PLXNA4: variants seen among roughly 807,000 people sequenced by gnomAD.
PLXNA4 encodes the protein plexin A4.
In PLXNA4, 44 loss-of-function variants were observed where a neutral mutation model predicts 191.8. That is an observed-to-expected ratio of 0.23 (90% confidence interval 0.18 to 0.29). PLXNA4 has a LOEUF of 0.29. PLXNA4 is among the 10% of genes least tolerant of loss of function. PLXNA4 has a pLI of 1.00. For synonymous variants in PLXNA4, 1,082 were observed against 1,009.5 expected (o/e 1.07, Z -1.36); for missense variants, 1,800 against 2,488.8 (o/e 0.72, Z 5.89).
chr7:132,554,397 C>T lies in PLXNA4; in HGVS notation c.-87+22025G>A, dbSNP rs75710723. 2.3e-3 allele frequency among the ~76,000 whole-genome samples: 351 copies of T among 152,284 alleles called. 2 individuals carry two copies. Among genetic ancestry groups the T allele is most frequent in the African/African-American group, 8.1e-3 (337 of 41,558 alleles). On this transcript the variant is annotated intron_variant, in intron 1 of 31. Transcript: ENST00000321063. ...CCGGACTCTCTGCTCACAGATGTCC[C>T]ATCACCTTCAAAATACACTGACACA... is the stretch of plus-strand genomic sequence containing the variant.
upstream of PLXNA4, among the ~76,000 whole-genome samples, chr7:132,580,662 G>A (rs1316585245): frequency 6.6e-6 from 1 of 152,174 alleles, no homozygotes; most frequent in African/African-American, 2.4e-5. Flanking sequence ...AAGAGGAGAA[G>A]AAACTCTTAA....
chr7:132,258,250 G>A (rs919686506), intron 4 of PLXNA4, among the ~76,000 whole-genome samples: 3 of 152,256 alleles, frequency 2.0e-5, no homozygotes, highest in African/African-American at 7.2e-5. Flanking sequence ...CTGTGTCGAC[G>A]AAAGGCGGCC....
chr7:132,485,053 G>GAA, intron 3 of PLXNA4: 1 of 1,591,148 alleles, frequency 6.3e-7, no homozygotes, highest in Admixed American at 1.8e-5. Context: ...ACAGGCTTGA[G>GAA]AAAAAAAAAT....
At chr7:132,230,998 A>G (rs974510263) in intron 5 of PLXNA4, among the ~76,000 whole-genome samples, 5 of 152,132 alleles carry the variant, frequency 3.3e-5, no homozygotes, top group Non-Finnish European at 7.4e-5. Context: ...GACAAATTCT[A>G]CCTGCATTGC....
In PLXNA4 at chr7:132,576,451, G is replaced by T. The variant is rs1394646330; in HGVS notation, c.-116C>A. 1 of 985,768 alleles carries T rather than the reference G, an allele frequency of 1.0e-6. No individual in the cohort carries two copies. Among genetic ancestry groups the T allele is most frequent in the Non-Finnish European group, 1.2e-6 (1 of 829,970 alleles). The allele number at this position is 985,768 out of a possible 1,614,324, so 61.1% of individuals were successfully genotyped here. ...ACGCGCCGCGTTTCCCTCCTTCAGC[G>T]GGAGCGCCGCATTGACACTGCAGAT... is the stretch of plus-strand genomic sequence containing the variant. On this transcript the variant is annotated 5_prime_UTR_variant, in exon 1 of 32. Transcript: ENST00000321063. This position sits in a 1 kb window ranked among gnomAD's most constrained non-coding sequence, Gnocchi z 5.8.
chr7:132,169,991 G>T (rs1325524242), intron 21 of PLXNA4, among the ~76,000 whole-genome samples: 1 of 152,018 alleles, frequency 6.6e-6, no homozygotes, highest in African/African-American at 2.4e-5. Flanking sequence ...GGTAACTTCG[G>T]AGTCACGTCT....
In PLXNA4 at chr7:132,226,150, G is replaced by C; in HGVS notation, c.1982+11C>G. On this transcript the variant is annotated intron_variant, in intron 8 of 31. Transcript: ENST00000321063. ...CAGGAACGGGAAGTGGGTAAGGCTG[G>C]GGCCACTTACGAATTGTGGACGCTG... is the stretch of plus-strand genomic sequence containing the variant. 5 of 1,610,622 alleles carry C rather than the reference G, an allele frequency of 3.1e-6. No individual in the cohort carries two copies. The highest frequency in any genetic ancestry group is 4.2e-6 in the Non-Finnish European group (5 of 1,177,034).
chr7:132,569,668 G>A (rs1801886252), intron 1 of PLXNA4, among the ~76,000 whole-genome samples: 1 of 152,188 alleles, frequency 6.6e-6, no homozygotes, highest in Non-Finnish European at 1.5e-5. Context: ...TGTATCCAAA[G>A]CCTAGCTTTT....
Position 132,594,961 on chromosome 7 carries a change from AGATAATTG to A in PLXNA4, c.-87+50959_-87+50966del, listed in dbSNP as rs2116831817. Among the ~76,000 whole-genome samples, 90 of 144,414 alleles carry A rather than the reference AGATAATTG, an allele frequency of 6.2e-4. 1 individual carries two copies. Among genetic ancestry groups the A allele is most frequent in the African/African-American group, 1.8e-3 (71 of 38,762 alleles). The allele number at this position is 144,414 out of a possible 152,430, so 94.7% of individuals were successfully genotyped here. A position where few individuals can be genotyped will look rare whatever the true frequency, so the allele number is the denominator to read the frequency against. On this transcript the variant is annotated intron_variant, in intron 2 of 4. Transcript: ENST00000378539. ...TAGATAGATAGATAGATAGATAGAT[AGATAATTG>A]ATAGATAATAGATAGATAGATAGAT...
intron 4 of PLXNA4, among the ~76,000 whole-genome samples, chr7:132,277,887 C>T (rs1800337280): frequency 6.6e-6 from 1 of 152,188 alleles, no homozygotes; most frequent in Admixed American, 6.5e-5. Flanking sequence ...CCGTAGACCA[C>T]ACATGTAAAT....
intron 4 of PLXNA4, among the ~76,000 whole-genome samples, chr7:132,259,482 G>GAAAAA (rs1414792493): frequency 3.6e-5 from 4 of 111,314 alleles, no homozygotes; most frequent in Non-Finnish European, 5.3e-5. Flanking sequence ...AAGAAAAAAG[G>GAAAAA]AAAAAAGAAA....
In PLXNA4 at chr7:132,259,741, G is replaced by A. The variant is rs535325563; in HGVS notation, c.1504-18575C>T. ...GCGAACAAGGTGCCCTTCAGTAGGC[G>A]ATGGATAAATAAATGGTGTGGTACA... On this transcript the variant is annotated intron_variant, in intron 4 of 31. Coordinates refer to ENST00000321063, the MANE Select transcript of PLXNA4 (RefSeq NM_020911.2). 3.4e-4 allele frequency among the ~76,000 whole-genome samples: 52 copies of A among 152,246 alleles called. 2 individuals carry two copies. Among genetic ancestry groups the A allele is most frequent in the African/African-American group, 1.2e-3 (50 of 41,554 alleles).
chr7:132,493,055 G>A (rs542695105), intron 2 of PLXNA4, among the ~76,000 whole-genome samples: 2 of 152,326 alleles, frequency 1.3e-5, no homozygotes, highest in East Asian at 3.9e-4. Flanking sequence ...CTGGGAGGTG[G>A]ACATGTAGAG....
At chr7:132,195,640 C>A (rs1381031985) in intron 13 of PLXNA4, among the ~76,000 whole-genome samples, 1 of 152,136 alleles carries the variant, frequency 6.6e-6, no homozygotes, top group Non-Finnish European at 1.5e-5. Context: ...GGGAAAAAAT[C>A]TCATTTTTAT....
rs746967492 is a variant in PLXNA4, at chr7:132,298,094, C to A, written c.1500G>T (p.Arg500Ser). The A allele has an allele frequency of 3.1e-6, 5 of 1,614,194 alleles. No individual in the cohort carries two copies. The South Asian group carries it at 5.5e-5, about 18-fold the overall frequency. ...AGCGGAGCCCGAAGAGCCTTACCTGCCTCTCTGACATGATGTAGAGTTGCT... is the reference window on the plus strand; with the variant it reads ...AGCGGAGCCCGAAGAGCCTTACCTGACTCTCTGACATGATGTAGAGTTGCT... ...DHEQLYIMSE[R>S]QLTRVPVESC... Residue 500 changes from arginine to serine, a missense_variant, in exon 4 of 32, where the codon AGG becomes AGT. By Grantham distance (110) the Arg-to-Ser change is moderately radical (BLOSUM62 -1). This residue lies in a region of PLXNA4 where 1,397 missense variants were observed against 1,880.4 expected (regional missense o/e 0.74). Coordinates refer to ENST00000321063, the MANE Select transcript of PLXNA4 (RefSeq NM_020911.2).
intron 4 of PLXNA4, among the ~76,000 whole-genome samples, chr7:132,271,498 C>T (rs909352264): frequency 6.6e-6 from 1 of 151,754 alleles, no homozygotes; most frequent in Non-Finnish European, 1.5e-5. Context: ...TTACTGGTAC[C>T]TAGCTTTATT....
chr7:132,164,718 C>T (rs61189648), intron 23 of PLXNA4, among the ~76,000 whole-genome samples: 15,867 of 152,288 alleles, frequency 0.1, 2,463 homozygotes, highest in African/African-American at 0.34. Flanking sequence ...ACCTCCCAGG[C>T]GCATCCTTGG....
At chr7:132,237,538 A>C (rs1200370504) in intron 5 of PLXNA4, among the ~76,000 whole-genome samples, 3 of 152,088 alleles carry the variant, frequency 2.0e-5, no homozygotes, top group Non-Finnish European at 2.9e-5. Flanking sequence ...GCCTTGGCCT[A>C]TGGGGGCTCT....
chr7:132,379,932 G>T (rs1032535090), intron 3 of PLXNA4, among the ~76,000 whole-genome samples: 7 of 152,182 alleles, frequency 4.6e-5, no homozygotes, highest in Non-Finnish European at 8.8e-5. Context: ...CTAGTCAAAG[G>T]TATGTTCTTG....
Sources: gnomAD v4.1 joint callset for allele counts (sites outside exome capture counted in the v4.1 genomes callset) on GRCh38, gnomAD v4.1.1 for gene constraint, gnomAD v4.1.1 regional missense constraint, Gnocchi (gnomAD v3.1) non-coding constraint, MANE v1.5 for transcripts, NCBI Gene and HGNC (gene_info 2026-07-23, HGNC 2026-07-21) for gene names.